Variants in PCDH15 observed in about 807,000 individuals in gnomAD.
The protein encoded by PCDH15 is protocadherin-15.
PCDH15 carries 129 observed loss-of-function variants against 178.5 expected under a neutral mutation model. The observed-to-expected ratio is 0.72, with a 90% CI of 0.63 to 0.84. The LOEUF (loss-of-function observed/expected upper bound fraction) is 0.84, where lower values mean the gene tolerates loss of function less well. Among genes scored for constraint, PCDH15 ranks in the 40% least tolerant of loss-of-function variants. The probability of loss-of-function intolerance (pLI) is 0.00; values close to 1 mark genes in which losing one functional copy is unlikely to be tolerated. For missense variants in PCDH15, 2,230 were observed against 2,099.9 expected, an observed-to-expected ratio of 1.06 and a Z score of -1.21; for synonymous variants, 800 against 732.0, an observed-to-expected ratio of 1.09 and a Z score of -1.50.
At chr10:54,114,119 C>T (rs910435823) in intron 15 of PCDH15, among the ~76,000 whole-genome samples, 6 of 152,112 alleles carry the variant, frequency 3.9e-5, no homozygotes, top group South Asian at 2.1e-4. Flanking sequence ...GGACACAAAA[C>T]CAAACCATAT....
chr10:55,241,586 A>AT (rs969450758), intron 1 of PCDH15, among the ~76,000 whole-genome samples: 5 of 151,898 alleles, frequency 3.3e-5, no homozygotes, highest in Non-Finnish European at 5.9e-5. Flanking sequence ...TGCCTGGCTA[A>AT]TTTTTTTGTT....
At chr10:55,194,830 A>C (rs1307168261) in intron 1 of PCDH15, among the ~76,000 whole-genome samples, 1 of 152,144 alleles carries the variant, frequency 6.6e-6, no homozygotes, top group South Asian at 2.1e-4. Flanking sequence ...GTAAAAAAAA[A>C]AAATCAATTA....
intron 1 of PCDH15, among the ~76,000 whole-genome samples, chr10:54,754,118 G>A (rs569493234): frequency 1.3e-5 from 2 of 151,918 alleles, no homozygotes; most frequent in African/African-American, 2.4e-5. Context: ...GTGAGCCACC[G>A]CGCCCGGCTC....
chr10:53,890,494 G>T (rs1425473928), intron 26 of PCDH15, among the ~76,000 whole-genome samples: 2 of 152,234 alleles, frequency 1.3e-5, no homozygotes, highest in Admixed American at 1.3e-4. Context: ...TTGGCTTCAG[G>T]TGTTGATAGT....
intron 28 of PCDH15, among the ~76,000 whole-genome samples, chr10:53,842,332 C>A (rs1195039166): frequency 6.6e-6 from 1 of 152,146 alleles, no homozygotes; most frequent in Non-Finnish European, 1.5e-5. Context: ...TCTCGGCTCA[C>A]TGCAACCTCC....
chr10:54,882,975 T>C (rs1591761429), intron 3 of PCDH15, among the ~76,000 whole-genome samples: 1 of 152,038 alleles, frequency 6.6e-6, no homozygotes, highest in South Asian at 2.1e-4. Flanking sequence ...GTTGACTTTA[T>C]TTGTAATCTA....
At chr10:55,029,839 C>A (rs1189807309) in intron 2 of PCDH15, among the ~76,000 whole-genome samples, 1 of 152,038 alleles carries the variant, frequency 6.6e-6, no homozygotes, top group Non-Finnish European at 1.5e-5. Context: ...AAAGTTGAAG[C>A]AGCCAGTTGC....
chr10:53,832,067 TAAAAG>T lies in PCDH15; in HGVS notation c.3984-539_3984-535del, dbSNP rs2077047946. Among the ~76,000 whole-genome samples, 92 of 152,110 alleles carry T rather than the reference TAAAAG, an allele frequency of 6.0e-4. 1 individual carries two copies. The highest frequency in any genetic ancestry group is 2.2e-3 in the African/African-American group (90 of 41,448). On this transcript the variant is annotated intron_variant, in intron 29 of 37. Coordinates refer to ENST00000644397, the MANE Select transcript of PCDH15 (RefSeq NM_001384140.1). Reference sequence around the variant, plus strand: ...GTATTTGTTTGCCATAACACCATCTTAAAAGTAAACATTCTCAAGTTTCAAACCAA... The same window carrying T: ...GTATTTGTTTGCCATAACACCATCTTTAAACATTCTCAAGTTTCAAACCAA...
chr10:55,530,388 A>G (rs1307382753), intron 2 of PCDH15, among the ~76,000 whole-genome samples: 1 of 151,966 alleles, frequency 6.6e-6, no homozygotes, highest in African/African-American at 2.4e-5. Context: ...ATACTCTTGT[A>G]TATGTGAATG....
intron 11 of PCDH15, among the ~76,000 whole-genome samples, chr10:54,194,956 G>A (rs1591089610): frequency 6.6e-6 from 1 of 152,114 alleles, no homozygotes; most frequent in East Asian, 1.9e-4. Context: ...CAGCAAATGT[G>A]GCTACAAAGG....
rs150428619 is a variant in PCDH15, at chr10:54,536,594, G to A, written c.92-8717C>T. Reference sequence around the variant, plus strand: ...TGGGATATGATTGATTCCATCATCAGGTAATGAGCACAGCACTCAATAGTT... The same window carrying A: ...TGGGATATGATTGATTCCATCATCAAGTAATGAGCACAGCACTCAATAGTT... On this transcript the variant is annotated intron_variant, in intron 2 of 37. Coordinates refer to ENST00000644397, the MANE Select transcript of PCDH15 (RefSeq NM_001384140.1). Among the ~76,000 whole-genome samples, 1,267 of 152,250 alleles carry A rather than the reference G, an allele frequency of 8.3e-3. 17 individuals are homozygous for A. Among genetic ancestry groups the A allele is most frequent in the African/African-American group, 0.029 (1,195 of 41,538 alleles).
At position 53,859,064 on chromosome 10, in the gene PCDH15, G is replaced by A. The variant is rs1055289047; in HGVS notation, c.3718-1801C>T. On this transcript the variant is annotated intron_variant, in intron 27 of 37. Coordinates refer to ENST00000644397, the MANE Select transcript of PCDH15 (RefSeq NM_001384140.1). ...TTTTCTTTCTTTTAACATTGGGCCA[G>A]AAACGGTTAAAAAAAAGTTTTGATA... Among the ~76,000 whole-genome samples the A allele has an allele frequency of 1.4e-5, 2 of 142,972 alleles. 1 individual carries two copies. The allele number at this position is 142,972 out of a possible 152,430, so 93.8% of individuals were successfully genotyped here. A position where few individuals can be genotyped will look rare whatever the true frequency, so the allele number is the denominator to read the frequency against.
chr10:55,520,136 G>A (rs1353223696), intron 2 of PCDH15, among the ~76,000 whole-genome samples: 2 of 112,428 alleles, frequency 1.8e-5, no homozygotes, highest in African/African-American at 3.4e-5. Flanking sequence ...TACACGCAAT[G>A]TGTATATATA....
At chr10:55,465,668 T>C (rs995002127) in intron 2 of PCDH15, among the ~76,000 whole-genome samples, 1 of 152,136 alleles carries the variant, frequency 6.6e-6, no homozygotes, top group Admixed American at 6.6e-5. Flanking sequence ...AGTTCACAGA[T>C]TTACTATATA....
At chr10:54,931,400 G>A (rs1837772258) in intron 2 of PCDH15, among the ~76,000 whole-genome samples, 1 of 152,098 alleles carries the variant, frequency 6.6e-6, no homozygotes, top group Non-Finnish European at 1.5e-5. Flanking sequence ...AGATTTCCAG[G>A]ATATTCTCAT....
intron 1 of PCDH15, among the ~76,000 whole-genome samples, chr10:54,754,913 C>T (rs1335647204): frequency 3.9e-5 from 3 of 77,346 alleles, no homozygotes; most frequent in Non-Finnish European, 6.1e-5. Flanking sequence ...ATTTATTTGC[C>T]ATGTTTTTCA....
chr10:54,300,410 C>T (rs922907878), intron 8 of PCDH15, among the ~76,000 whole-genome samples: 6 of 152,302 alleles, frequency 3.9e-5, no homozygotes, highest in Non-Finnish European at 4.4e-5. Context: ...GATAGTCTTA[C>T]AAATGGAACC....
chr10:54,989,089 C>T (rs558417777), intron 2 of PCDH15, among the ~76,000 whole-genome samples: 1 of 152,282 alleles, frequency 6.6e-6, no homozygotes, highest in Admixed American at 6.5e-5. Context: ...GGTGCAAGCC[C>T]CAAGCATTGT....
chr10:54,054,114 TA>T (rs1222786413), intron 18 of PCDH15, among the ~76,000 whole-genome samples: 2 of 152,122 alleles, frequency 1.3e-5, no homozygotes, highest in African/African-American at 2.4e-5. Context: ...ACTTCAATCT[TA>T]AAAATGTTGA....
Sources: allele counts gnomAD v4.1 joint callset (sites outside exome capture counted in the v4.1 genomes callset), GRCh38; gene constraint gnomAD v4.1.1; transcripts MANE v1.5; gene names NCBI Gene and HGNC (gene_info 2026-07-23, HGNC 2026-07-21).